PRR16: variants seen among roughly 807,000 people sequenced by gnomAD.
PRR16 encodes proline rich 16, also known as protein Largen.
In PRR16, 6 loss-of-function variants were observed where a neutral mutation model predicts 18.2. The observed-to-expected ratio is 0.33, with a 90% CI of 0.18 to 0.65. The LOEUF (loss-of-function observed/expected upper bound fraction) is 0.65. PRR16 is among the 30% of genes least tolerant of loss of function. PRR16 has a pLI of 0.74. For missense variants in PRR16, 412 were observed against 376.6 expected (o/e 1.09, Z -0.78); for synonymous variants, 151 against 147.8 (o/e 1.02, Z -0.16).
the PRR16 span, among the ~76,000 whole-genome samples, chr5:120,702,811 A>T: frequency 4.5e-4 from 68 of 152,266 alleles, no homozygotes; most frequent in Non-Finnish European, 8.7e-4. Flanking sequence ...GAGGCCGCTT[A>T]CCTGATTTAA....
At chr5:120,744,269 A>G in the PRR16 span, among the ~76,000 whole-genome samples, 1 of 152,168 alleles carries the variant, frequency 6.6e-6, no homozygotes, top group African/African-American at 2.4e-5. Context: ...ACTTCAAACA[A>G]GACTGTAGTA....
At chr5:120,651,879 G>C (rs145701772) in intron 1 of PRR16, among the ~76,000 whole-genome samples, 2 of 152,018 alleles carry the variant, frequency 1.3e-5, no homozygotes, top group Non-Finnish European at 2.9e-5. Context: ...GTCATTGGTA[G>C]CTTGATGGGG....
the PRR16 span, among the ~76,000 whole-genome samples, chr5:120,751,481 G>T: frequency 6.6e-6 from 1 of 151,986 alleles, no homozygotes; most frequent in Non-Finnish European, 1.5e-5. Context: ...TTTAACTGCA[G>T]TGAGACCATA....
At chr5:120,700,352 A>G in the PRR16 span, among the ~76,000 whole-genome samples, 2 of 152,026 alleles carry the variant, frequency 1.3e-5, no homozygotes, top group Admixed American at 1.3e-4. Flanking sequence ...GAGTGGGGTA[A>G]GGGTGATTAG....
chr5:120,651,709 C>G (rs569521205), intron 1 of PRR16, among the ~76,000 whole-genome samples: 3 of 152,140 alleles, frequency 2.0e-5, no homozygotes, highest in Non-Finnish European at 4.4e-5. Context: ...GGTACCAGTA[C>G]CATGCTGCTT....
At chr5:120,552,853 C>G (rs572082922) in intron 1 of PRR16, among the ~76,000 whole-genome samples, 8 of 151,764 alleles carry the variant, frequency 5.3e-5, no homozygotes, top group Non-Finnish European at 1.2e-4. Flanking sequence ...TTCCTATTGA[C>G]TTTGAAAGTC....
chr5:120,776,407 A>G, the PRR16 span, among the ~76,000 whole-genome samples: 9 of 152,320 alleles, frequency 5.9e-5, no homozygotes, highest in African/African-American at 2.2e-4. Context: ...TAACTGGATT[A>G]GAGAAAACTC....
At chr5:120,619,253 T>A (rs549819427) in intron 1 of PRR16, among the ~76,000 whole-genome samples, 43 of 152,272 alleles carry the variant, frequency 2.8e-4, no homozygotes, top group African/African-American at 9.9e-4. Flanking sequence ...AACATAGTTC[T>A]AATTTTTCTT....
At chr5:120,653,268 A>G (rs1755853223) in intron 1 of PRR16, among the ~76,000 whole-genome samples, 1 of 151,766 alleles carries the variant, frequency 6.6e-6, no homozygotes, top group African/African-American at 2.4e-5. Context: ...TATGATTTTT[A>G]TATTTGTCTG....
At chr5:120,521,347 T>C (rs578083968) in intron 1 of PRR16, among the ~76,000 whole-genome samples, 1 of 152,314 alleles carries the variant, frequency 6.6e-6, no homozygotes, top group Admixed American at 6.5e-5. Context: ...TTTTTAATCC[T>C]ATAGATTTTT....
At chr5:120,791,434 CAGAA>C in the PRR16 span, among the ~76,000 whole-genome samples, 1 of 151,808 alleles carries the variant, frequency 6.6e-6, no homozygotes, top group Non-Finnish European at 1.5e-5. Flanking sequence ...TGCTAGAAAA[CAGAA>C]AGCTCAGGTA....
chr5:120,481,238 C>T (rs1380430421), intron 1 of PRR16: 1 of 531,796 alleles, frequency 1.9e-6, no homozygotes, highest in Non-Finnish European at 3.3e-6. Context: ...ACCTCTGCCT[C>T]CCAGGTTCAA....
chr5:120,652,718 C>T (rs1755833395), intron 1 of PRR16, among the ~76,000 whole-genome samples: 1 of 151,896 alleles, frequency 6.6e-6, no homozygotes. Flanking sequence ...AGACATGATA[C>T]ATACAGTATC....
chr5:120,535,330 T>A (rs992274100), intron 1 of PRR16, among the ~76,000 whole-genome samples: 2 of 152,266 alleles, frequency 1.3e-5, no homozygotes, highest in African/African-American at 4.8e-5. Flanking sequence ...ATTCCTCAAA[T>A]GTTAATATTT....
At chr5:120,662,178 T>C (rs552770293) in intron 1 of PRR16, among the ~76,000 whole-genome samples, 1 of 152,226 alleles carries the variant, frequency 6.6e-6, no homozygotes, top group Non-Finnish European at 1.5e-5. Flanking sequence ...TTTTTCAAGG[T>C]GACAGGATAG....
At chr5:120,702,545 G>A in the PRR16 span, among the ~76,000 whole-genome samples, 149 of 152,260 alleles carry the variant, frequency 9.8e-4, 1 homozygote, top group African/African-American at 3.2e-3. Context: ...CAAGGCAGGC[G>A]TCCCTGCGTG....
chr5:120,696,111 G>C, the PRR16 span, among the ~76,000 whole-genome samples: 1 of 151,900 alleles, frequency 6.6e-6, no homozygotes, highest in African/African-American at 2.4e-5. Context: ...ACGTAGTGGC[G>C]AGCGCCTGTA....
intron 1 of PRR16, among the ~76,000 whole-genome samples, chr5:120,630,505 A>G (rs1755016422): frequency 1.3e-5 from 2 of 152,164 alleles, no homozygotes; most frequent in African/African-American, 4.8e-5. Flanking sequence ...GATGATTGCC[A>G]AGATGTATAG....
At position 120,674,021 on chromosome 5, in the gene PRR16, A is replaced by AT. The variant is rs140646840; in HGVS notation, c.160-11925dup. Among the ~76,000 whole-genome samples, 44 of 151,616 alleles carry AT rather than the reference A, an allele frequency of 2.9e-4. No homozygotes were observed. The South Asian group carries it at 3.7e-3, about 13-fold the overall frequency. ...CAGTCTATGTACAAATACTTCCTAC[A>AT]TTTTTTTTATCAATGCTGTAAATAC... On this transcript the variant is annotated intron_variant, in intron 1 of 1. Transcript: ENST00000407149.
Sources: allele counts gnomAD v4.1 joint callset (sites outside exome capture counted in the v4.1 genomes callset), GRCh38; gene constraint gnomAD v4.1.1; transcripts MANE v1.5; gene names NCBI Gene and HGNC (gene_info 2026-07-23, HGNC 2026-07-21).